Variants in SLC30A7 observed in about 807,000 individuals in gnomAD.
SLC30A7 encodes zinc transporter 7.
SLC30A7 carries 35 observed loss-of-function variants against 46.0 expected under a neutral mutation model. That is an observed-to-expected ratio of 0.76 (90% CI 0.58 to 1.01). The LOEUF is 1.01. Among genes scored for constraint, SLC30A7 ranks in the 50% least tolerant of loss-of-function variants. SLC30A7 has a pLI of 0.00. For synonymous variants in SLC30A7, 147 were observed against 157.8 expected (o/e 0.93, Z 0.51); for missense variants, 464 against 451.1 (o/e 1.03, Z -0.26).
chr1:100,990,521 AT>A, the SLC30A7 span: 2 of 1,614,144 alleles, frequency 1.2e-6, no homozygotes, highest in Non-Finnish European at 1.7e-6. Context: ...AAGGAATGCA[AT>A]GGTTCTCCCA....
chr1:100,910,515 T>C (rs1392105864), intron 3 of SLC30A7, among the ~76,000 whole-genome samples: 2 of 152,086 alleles, frequency 1.3e-5, no homozygotes, highest in African/African-American at 4.8e-5. Context: ...AGAAAAAGTG[T>C]TAGAAATATA....
chr1:100,995,913 G>C, the SLC30A7 span: 1 of 152,166 alleles, frequency 6.6e-6, no homozygotes, highest in African/African-American at 2.4e-5. Flanking sequence ...TTCAGCCAAA[G>C]TTTGTTTTTG....
chr1:100,947,581 G>C (rs1365041197), intron 8 of SLC30A7, among the ~76,000 whole-genome samples: 1 of 152,200 alleles, frequency 6.6e-6, no homozygotes, highest in Non-Finnish European at 1.5e-5. Flanking sequence ...GCTTAGTGCA[G>C]AGTTGAGTTC....
chr1:100,991,366 T>G, the SLC30A7 span, among the ~76,000 whole-genome samples: 1 of 152,238 alleles, frequency 6.6e-6, no homozygotes, highest in African/African-American at 2.4e-5. Context: ...GCAAATGGTT[T>G]ATCCAAGGAC....
chr1:100,896,446 C>A, intron 1 of SLC30A7, 104 bp downstream of exon 1: 2 of 1,438,050 alleles, frequency 1.4e-6, no homozygotes, highest in South Asian at 1.1e-5. Flanking sequence ...AAAAACTCCC[C>A]GTCAACCCCT....
chr1:100,905,575 TCTG>T (rs751747416), intron 2 of SLC30A7, among the ~76,000 whole-genome samples: 25 of 152,148 alleles, frequency 1.6e-4, no homozygotes, highest in Non-Finnish European at 2.9e-4. Flanking sequence ...TTTGGGATGC[TCTG>T]CTTTTTTTGT....
intron 8 of SLC30A7, among the ~76,000 whole-genome samples, chr1:100,928,472 G>A (rs1653454440): frequency 6.6e-6 from 1 of 151,778 alleles, no homozygotes; most frequent in South Asian, 2.1e-4. Context: ...TTTAATTATG[G>A]GAATAATTAT....
chr1:100,983,200 TTAGTC>T (rs769212702), downstream of SLC30A7, among the ~76,000 whole-genome samples: 8 of 152,058 alleles, frequency 5.3e-5, no homozygotes, highest in Non-Finnish European at 8.8e-5. Flanking sequence ...AAACTTTTCA[TTAGTC>T]TAGAGCAAAA....
At chr1:100,904,526 G>A (rs1651516630) in intron 2 of SLC30A7, among the ~76,000 whole-genome samples, 1 of 150,670 alleles carries the variant, frequency 6.6e-6, no homozygotes, top group Admixed American at 6.6e-5. Context: ...TTTCTCCACA[G>A]TGACTTCTTT....
At chr1:100,900,851 A>G (rs577106983) in intron 2 of SLC30A7, among the ~76,000 whole-genome samples, 1 of 152,356 alleles carries the variant, frequency 6.6e-6, no homozygotes, top group Admixed American at 6.5e-5. Flanking sequence ...TTTAACAAAC[A>G]ATATAAATAT....
At chr1:100,987,686 C>T in the SLC30A7 span, among the ~76,000 whole-genome samples, 1 of 144,886 alleles carries the variant, frequency 6.9e-6, no homozygotes, top group African/African-American at 2.6e-5. Flanking sequence ...TTTTTTTAAA[C>T]CATAAGCTAT....
At chr1:100,973,639 TGAG>T (rs1162032677) in intron 10 of SLC30A7, among the ~76,000 whole-genome samples, 1 of 152,148 alleles carries the variant, frequency 6.6e-6, no homozygotes, top group African/African-American at 2.4e-5. Flanking sequence ...CTGGGAGTGC[TGAG>T]GTATTTACCA....
chr1:100,915,805 A>T (rs1264055068), intron 6 of SLC30A7, among the ~76,000 whole-genome samples: 1 of 152,152 alleles, frequency 6.6e-6, no homozygotes, highest in Non-Finnish European at 1.5e-5. Context: ...CAGTTTGCTG[A>T]TCATACGGTA....
chr1:100,909,120 A>G (rs1651909267), intron 3 of SLC30A7, among the ~76,000 whole-genome samples: 1 of 151,968 alleles, frequency 6.6e-6, no homozygotes. Context: ...AATATTTAAC[A>G]CTATGAATAA....
At chr1:100,900,511 T>C (rs140114483) in intron 2 of SLC30A7, among the ~76,000 whole-genome samples, 78 of 152,300 alleles carry the variant, frequency 5.1e-4, no homozygotes, top group African/African-American at 1.9e-3. Context: ...ACTTTTTCCT[T>C]CTCAAAAGGC....
chr1:100,934,737 G>A (rs983490230), intron 8 of SLC30A7, among the ~76,000 whole-genome samples: 3 of 151,006 alleles, frequency 2.0e-5, no homozygotes, highest in African/African-American at 7.3e-5. Context: ...TTTTTGCTTA[G>A]CATTTTACAT....
intron 9 of SLC30A7, among the ~76,000 whole-genome samples, chr1:100,963,206 G>A (rs1010303539): frequency 5.9e-5 from 9 of 152,222 alleles, no homozygotes; most frequent in African/African-American, 1.7e-4. Context: ...TATTACCTCC[G>A]GAGAAGTTCT....
intron 8 of SLC30A7, among the ~76,000 whole-genome samples, chr1:100,933,359 TTCTTA>T (rs1370574635): frequency 6.6e-6 from 1 of 152,146 alleles, no homozygotes; most frequent in Middle Eastern, 3.2e-3. Flanking sequence ...GCTCATAGTA[TTCTTA>T]TCTTGATGCC....
chr1:100,990,717 A>C, the SLC30A7 span: 6 of 1,267,742 alleles, frequency 4.7e-6, no homozygotes, highest in African/African-American at 7.4e-5. Context: ...CCACAAGTAC[A>C]TTTCAAGAAG....
Sources: gnomAD v4.1 joint callset for allele counts (sites outside exome capture counted in the v4.1 genomes callset) on GRCh38, gnomAD v4.1.1 for gene constraint, MANE v1.5 for transcripts, NCBI Gene and HGNC (gene_info 2026-07-23, HGNC 2026-07-21) for gene names.